Variants in USP46 observed in about 807,000 individuals in gnomAD.
USP46 encodes the protein ubiquitin specific peptidase 46.
In USP46, 12 loss-of-function variants were observed where a neutral mutation model predicts 44.4. The ratio of observed to expected loss-of-function variants is 0.27; its 90% CI spans 0.17 to 0.44. The LOEUF (loss-of-function observed/expected upper bound fraction) is 0.44. Ranked by LOEUF, USP46 falls within the 20% of genes least tolerant of loss-of-function variation. The pLI, the probability that USP46 is intolerant of heterozygous loss-of-function variation, is 1.00. For synonymous variants in USP46, 155 were observed against 161.5 expected, an observed-to-expected ratio of 0.96 and a Z score of 0.31; for missense variants, 248 against 444.8, an observed-to-expected ratio of 0.56 and a Z score of 3.98.
chr4:52,645,949 T>C (rs1332333993), intron 1 of USP46, among the ~76,000 whole-genome samples: 1 of 151,042 alleles, frequency 6.6e-6, no homozygotes, highest in Non-Finnish European at 1.5e-5. Flanking sequence ...TGGTAAGATG[T>C]GCCTGCTTTC....
At chr4:52,609,741 A>G (rs1229804411) in intron 5 of USP46, among the ~76,000 whole-genome samples, 1 of 151,848 alleles carries the variant, frequency 6.6e-6, no homozygotes, top group East Asian at 1.9e-4. Context: ...AGAGTTGAAT[A>G]TGTTTAAAGG....
At chr4:52,619,935 G>C (rs576087714) in intron 4 of USP46, among the ~76,000 whole-genome samples, 28 of 152,262 alleles carry the variant, frequency 1.8e-4, no homozygotes, top group Admixed American at 1.5e-3. Context: ...CATCATTTCA[G>C]GGGGAAGAAA....
chr4:52,622,761 C>G (rs1717429063), intron 4 of USP46, among the ~76,000 whole-genome samples: 1 of 152,164 alleles, frequency 6.6e-6, no homozygotes, highest in Non-Finnish European at 1.5e-5. Flanking sequence ...GGTTTTAACA[C>G]AAGTTGAAAC....
intron 5 of USP46, among the ~76,000 whole-genome samples, 186 bp from the exon 6 acceptor site, chr4:52,604,770 A>C (rs1028791490): frequency 6.6e-6 from 1 of 152,192 alleles, no homozygotes; most frequent in Admixed American, 6.6e-5. Context: ...AAAATAAGCT[A>C]AGACTGGGTG....
chr4:52,657,368 GGTGGGGGGACGC>G, intron 1 of USP46, among the ~76,000 whole-genome samples: 1 of 152,194 alleles, frequency 6.6e-6, no homozygotes, highest in Admixed American at 6.5e-5. Flanking sequence ...ACTGAGGGTG[GGTGGGGGGACGC>G]GTGGGGGGAG....
intron 1 of USP46, among the ~76,000 whole-genome samples, chr4:52,655,836 A>C (rs1718927879): frequency 6.6e-6 from 1 of 152,218 alleles, no homozygotes; most frequent in Non-Finnish European, 1.5e-5. Flanking sequence ...AACAAATAGA[A>C]ACTAGTACTA....
chr4:52,629,882 G>T (rs935998242), intron 2 of USP46, among the ~76,000 whole-genome samples: 3 of 152,142 alleles, frequency 2.0e-5, no homozygotes, highest in Non-Finnish European at 4.4e-5. Flanking sequence ...ACAAGCTAGG[G>T]AGTAGCACAG....
intron 4 of USP46, among the ~76,000 whole-genome samples, chr4:52,614,453 A>G (rs1481446463): frequency 6.6e-6 from 1 of 152,238 alleles, no homozygotes; most frequent in Non-Finnish European, 1.5e-5. Flanking sequence ...GGATGATCCA[A>G]TTGGCAGCTG....
intron 5 of USP46, among the ~76,000 whole-genome samples, chr4:52,606,083 G>A (rs1262869720): frequency 1.3e-5 from 2 of 152,128 alleles, no homozygotes; most frequent in African/African-American, 4.8e-5. Context: ...CCCTCTATGT[G>A]GGCAGTGCAC....
At position 52,595,029 on chromosome 4, in the gene USP46, TTC is replaced by T. The variant is rs1716170133; in HGVS notation, c.*2609_*2610del. 1 of 151,556 alleles carries T rather than the reference TTC, an allele frequency of 6.6e-6. No homozygotes were observed. The highest frequency in any genetic ancestry group is 2.1e-4 in the South Asian group (1 of 4,826). 9.4% of individuals were successfully genotyped at this position (151,556 alleles called of 1,614,324 possible). ...AAGTAACCAATAAAGCAAATGTTCCTTCTGTTTTTTTTTTAAAGTGTAAAACA... is the reference window on the plus strand; with the variant it reads ...AAGTAACCAATAAAGCAAATGTTCCTTGTTTTTTTTTTAAAGTGTAAAACA... On this transcript the variant is annotated 3_prime_UTR_variant, in exon 9 of 9. Coordinates refer to ENST00000441222, the MANE Select transcript of USP46 (RefSeq NM_022832.4).
chr4:52,627,825 C>A (rs1400380604), intron 3 of USP46, 125 bp downstream of exon 3: 1 of 1,056,352 alleles, frequency 9.5e-7, no homozygotes, highest in Non-Finnish European at 1.3e-6. Flanking sequence ...AAAATGACAC[C>A]GAGTAGTTAA....
At chr4:52,638,504 A>G (rs889685497) in intron 1 of USP46, among the ~76,000 whole-genome samples, 3 of 151,882 alleles carry the variant, frequency 2.0e-5, no homozygotes, top group African/African-American at 7.3e-5. Context: ...AGCAATAGGA[A>G]AGTAATATAC....
chr4:52,648,691 A>G (rs1289577751), intron 1 of USP46, among the ~76,000 whole-genome samples: 1 of 152,058 alleles, frequency 6.6e-6, no homozygotes, highest in Non-Finnish European at 1.5e-5. Context: ...GTTATTTTTT[A>G]TTTATTTATT....
chr4:52,625,341 A>G (rs775602049), intron 4 of USP46, among the ~76,000 whole-genome samples: 3 of 152,098 alleles, frequency 2.0e-5, no homozygotes, highest in Non-Finnish European at 2.9e-5. Context: ...CAGAAAAGCC[A>G]GCATACAAAC....
rs1716114060 is a variant in USP46 at position 52,593,599 on chromosome 4, G to A, written c.*4041C>T. 1 of 152,272 alleles carries A rather than the reference G, an allele frequency of 6.6e-6. No individual in the cohort carries two copies. Among genetic ancestry groups the A allele is most frequent in the Non-Finnish European group, 1.5e-5 (1 of 68,064 alleles). 9.4% of individuals were successfully genotyped at this position (152,272 alleles called of 1,614,324 possible). On this transcript the variant is annotated 3_prime_UTR_variant, in exon 9 of 9. Transcript: ENST00000441222. ...AGGCTTCACTGAGGCCACATGGCATGGACCTGTGCCTGCCCTCCTTCTGGG... is the reference window on the plus strand; with the variant it reads ...AGGCTTCACTGAGGCCACATGGCATAGACCTGTGCCTGCCCTCCTTCTGGG...
At chr4:52,602,761 G>A (rs1302267928) in intron 6 of USP46, among the ~76,000 whole-genome samples, 1 of 152,176 alleles carries the variant, frequency 6.6e-6, no homozygotes, top group East Asian at 1.9e-4. Context: ...GATCCTATGT[G>A]TACATTACCA....
chr4:52,659,249 G>A lies in USP46; in HGVS notation c.-99C>T, dbSNP rs1057050230. 13 of 1,372,344 alleles carry A rather than the reference G, an allele frequency of 9.5e-6. No individual in the cohort carries two copies. The African/African-American group carries it at 1.5e-4, about 16-fold the overall frequency. The allele number at this position is 1,372,344 out of a possible 1,614,324, so 85.0% of individuals were successfully genotyped here. On this transcript the variant is annotated 5_prime_UTR_variant, in exon 1 of 9. Transcript: ENST00000441222. This position sits in a 1 kb window ranked among gnomAD's most constrained non-coding sequence, Gnocchi z 4.2. ...TGGCGGGGAGGCCGGGCGGCAGCGC[G>A]GCGGCCTGGGGTCCGGCTTTCAGTT...
At chr4:52,658,650 C>G (rs181557943) in intron 1 of USP46, among the ~76,000 whole-genome samples, 105 of 152,336 alleles carry the variant, frequency 6.9e-4, no homozygotes, top group African/African-American at 2.3e-3. Context: ...TACACAATTG[C>G]TATTGCAAAG....
At position 52,591,339 on chromosome 4, in the gene USP46, C is replaced by T. The variant is rs888954625; in HGVS notation, c.*6301G>A. 1.3e-5 allele frequency: 2 copies of T among 152,298 alleles called. No homozygotes were observed. Among genetic ancestry groups the T allele is most frequent in the South Asian group, 4.1e-4 (2 of 4,822 alleles). 9.4% of individuals were successfully genotyped at this position (152,298 alleles called of 1,614,324 possible). A position where few individuals can be genotyped will look rare whatever the true frequency, so the allele number is the denominator to read the frequency against. On this transcript the variant is annotated 3_prime_UTR_variant, in exon 9 of 9. Coordinates refer to ENST00000441222, the MANE Select transcript of USP46 (RefSeq NM_022832.4). Reference sequence around the variant, plus strand: ...ATTTTGCTTCTGGTCAAGTCGGATACAAGTCTGAGTTTTCTTTTCAAAGCT... The same window carrying T: ...ATTTTGCTTCTGGTCAAGTCGGATATAAGTCTGAGTTTTCTTTTCAAAGCT...
Sources: allele counts gnomAD v4.1 joint callset (sites outside exome capture counted in the v4.1 genomes callset), GRCh38; gene constraint gnomAD v4.1.1; non-coding constraint Gnocchi (gnomAD v3.1); transcripts MANE v1.5; gene names NCBI Gene and HGNC (gene_info 2026-07-23, HGNC 2026-07-21).